UBAP2: variants seen among roughly 807,000 people sequenced by gnomAD.
The protein encoded by UBAP2 is ubiquitin-associated protein 2.
Under a neutral mutation model 139.6 loss-of-function variants are expected in UBAP2, and 75 were observed. That is an observed-to-expected ratio of 0.54 (90% CI 0.45 to 0.65). The LOEUF is 0.65. Ranked by LOEUF, UBAP2 falls within the 30% of genes least tolerant of loss-of-function variation. The pLI, the probability that UBAP2 is intolerant of heterozygous loss-of-function variation, is 0.00. For missense variants in UBAP2, 1,368 were observed against 1,369.6 expected, an observed-to-expected ratio of 1.00 and a Z score of 0.02; for synonymous variants, 526 against 526.2, an observed-to-expected ratio of 1.00 and a Z score of 0.01.
chr9:33,986,464 T>C (rs989645502), intron 6 of UBAP2, among the ~76,000 whole-genome samples: 1 of 152,200 alleles, frequency 6.6e-6, no homozygotes, highest in Non-Finnish European at 1.5e-5. Flanking sequence ...AAAACCCTAT[T>C]GCATTGTATT....
intron 4 of UBAP2, among the ~76,000 whole-genome samples, chr9:33,992,578 A>G (rs1421757042): frequency 7.4e-6 from 1 of 135,264 alleles, no homozygotes; most frequent in Admixed American, 7.8e-5. Context: ...TAAAAATAAA[A>G]AAAAGATACC....
chr9:33,922,966 CTG>C lies in UBAP2; in HGVS notation c.3070_3071del (p.Gln1024AspfsTer3), dbSNP rs772736243. ...CACCCAACCCACCTTTGTCCCTCAC[CTG>C]TGTCTTATTGTAGACAGAACCAGTC... ...DMTGSVYNKT[Q>X]TFDKQGFHAG... On this transcript the variant is annotated frameshift_variant and splice_region_variant, in exon 27 of 29. Coordinates refer to ENST00000379238, the MANE Select transcript of UBAP2 (RefSeq NM_001370062.2). LOFTEE classifies it high-confidence loss of function. 6.2e-7 allele frequency: 1 copy of C among 1,614,188 alleles called. No individual in the cohort carries two copies. Among genetic ancestry groups the C allele is most frequent in the Non-Finnish European group, 8.5e-7 (1 of 1,180,016 alleles).
chr9:33,968,477 G>C, intron 8 of UBAP2: 1 of 546,218 alleles, frequency 1.8e-6, no homozygotes, highest in African/African-American at 1.9e-5. Flanking sequence ...CTTCAGGTTG[G>C]GACATTTGAG....
At chr9:33,962,928 G>A (rs574339986) in intron 9 of UBAP2, among the ~76,000 whole-genome samples, 18 of 150,976 alleles carry the variant, frequency 1.2e-4, no homozygotes, top group African/African-American at 4.1e-4. Context: ...GCAGTGAGCC[G>A]AGATCGCACC....
chr9:34,016,270 GAGA>G (rs768549732), intron 2 of UBAP2, among the ~76,000 whole-genome samples: 2,872 of 27,280 alleles, frequency 0.11, 200 homozygotes, highest in Non-Finnish European at 0.18. Flanking sequence ...AGAGGAGGAA[GAGA>G]AGGAGGAAGA....
Position 33,921,985 on chromosome 9 carries a change from T to C in UBAP2, c.*519A>G, listed in dbSNP as rs1008092856. The C allele has an allele frequency of 1.9e-5, 3 of 153,868 alleles. No individual in the cohort carries two copies. The highest frequency in any genetic ancestry group is 4.3e-5 in the Non-Finnish European group (3 of 69,250). The allele number at this position is 153,868 out of a possible 1,614,324, so 9.5% of individuals were successfully genotyped here. On this transcript the variant is annotated 3_prime_UTR_variant, in exon 29 of 29. Transcript: ENST00000379238. Reference sequence around the variant, plus strand: ...ACCGCTGCTATTCCCAGATGAAGATTTGGTGGAAGGAGACCATGACAGATG... The same window carrying C: ...ACCGCTGCTATTCCCAGATGAAGATCTGGTGGAAGGAGACCATGACAGATG...
At chr9:34,017,002 TA>T in intron 2 of UBAP2, 47 bp downstream of exon 2, 1 of 1,281,300 alleles carries the variant, frequency 7.8e-7, no homozygotes, top group Non-Finnish European at 1.0e-6. Context: ...AGTATAATAA[TA>T]AAAGAAAAAA....
intron 1 of UBAP2, among the ~76,000 whole-genome samples, chr9:34,047,379 T>C (rs141428929): frequency 8.6e-4 from 131 of 152,274 alleles, no homozygotes; most frequent in African/African-American, 2.3e-3. Flanking sequence ...GGTGAGTGTA[T>C]TGAAGGAAAC....
chr9:34,006,613 G>A (rs1823243379), intron 2 of UBAP2, among the ~76,000 whole-genome samples: 1 of 151,966 alleles, frequency 6.6e-6, no homozygotes, highest in Non-Finnish European at 1.5e-5. Flanking sequence ...GAGGTCAAGG[G>A]AGAAGGGAGC....
intron 1 of UBAP2, among the ~76,000 whole-genome samples, chr9:34,033,726 C>G (rs964738205): frequency 6.6e-6 from 1 of 151,502 alleles, no homozygotes; most frequent in African/African-American, 2.4e-5. Flanking sequence ...TACAGTCAAG[C>G]ATCAAATCAA....
chr9:33,956,776 A>C (rs1826597710), intron 10 of UBAP2, among the ~76,000 whole-genome samples: 2 of 152,318 alleles, frequency 1.3e-5, no homozygotes, highest in East Asian at 3.9e-4. Flanking sequence ...ACACAAAATG[A>C]GAATACCAAT....
At chr9:34,027,543 C>T (rs968191199) in intron 1 of UBAP2, among the ~76,000 whole-genome samples, 1 of 151,072 alleles carries the variant, frequency 6.6e-6, no homozygotes, top group African/African-American at 2.4e-5. Flanking sequence ...CACAGTGAGA[C>T]CCCATTTCTA....
chr9:33,990,083 G>T (rs1011885977), intron 4 of UBAP2, among the ~76,000 whole-genome samples: 1 of 151,618 alleles, frequency 6.6e-6, no homozygotes, highest in Non-Finnish European at 1.5e-5. Context: ...AAATGGCTGA[G>T]AAAGAAAAAG....
intron 6 of UBAP2, among the ~76,000 whole-genome samples, chr9:33,974,939 A>T (rs888381180): frequency 2.4e-5 from 1 of 41,972 alleles, no homozygotes. Flanking sequence ...CTAAAAAAAA[A>T]GGGGGGGGTG....
chr9:33,964,130 T>C (rs1827278069), intron 8 of UBAP2, among the ~76,000 whole-genome samples: 2 of 152,196 alleles, frequency 1.3e-5, no homozygotes, highest in South Asian at 4.1e-4. Context: ...TACACAAGTC[T>C]TTCTAGTTTG....
At position 33,927,621 on chromosome 9, in the gene UBAP2, C is replaced by T. The variant is rs188842255; in HGVS notation, c.2371+176G>A. Among the ~76,000 whole-genome samples, 30 of 152,294 alleles carry T rather than the reference C, an allele frequency of 2.0e-4. No homozygotes were observed. In the East Asian group the frequency reaches 5.6e-3, roughly 28 times the overall value. On this transcript the variant is annotated intron_variant, in intron 20 of 28. Transcript: ENST00000379238. ...AAGCACGCAGAGGCCAGGAATCCTGCAAGGAAGAATTCATCCCCATCAGGG... is the reference window on the plus strand; with the variant it reads ...AAGCACGCAGAGGCCAGGAATCCTGTAAGGAAGAATTCATCCCCATCAGGG...
intron 1 of UBAP2, among the ~76,000 whole-genome samples, chr9:34,041,740 G>T (rs771918320): frequency 3.3e-5 from 5 of 151,976 alleles, no homozygotes; most frequent in Admixed American, 2.0e-4. Context: ...AATCTACATG[G>T]GGGCTGGGTG....
chr9:34,009,011 G>A (rs1178464586), intron 2 of UBAP2, among the ~76,000 whole-genome samples: 2 of 147,942 alleles, frequency 1.4e-5, no homozygotes, highest in African/African-American at 5.0e-5. Flanking sequence ...ATAGCGGGGT[G>A]AATATATCTC....
chr9:34,045,463 T>TCC (rs778788867), intron 1 of UBAP2, among the ~76,000 whole-genome samples: 11 of 151,624 alleles, frequency 7.3e-5, no homozygotes, highest in Admixed American at 2.0e-4. Flanking sequence ...AACCTCCACC[T>TCC]CCCAGGTTCA....
Sources: allele counts gnomAD v4.1 joint callset (sites outside exome capture counted in the v4.1 genomes callset), GRCh38; gene constraint gnomAD v4.1.1; transcripts MANE v1.5; gene names NCBI Gene and HGNC (gene_info 2026-07-23, HGNC 2026-07-21).